LINGO2: variants seen among roughly 807,000 people sequenced by gnomAD.
LINGO2 encodes leucine rich repeat and Ig domain containing 2, also known as leucine-rich repeat and immunoglobulin-like domain-containing nogo receptor-interacting protein 2.
In LINGO2, 14 loss-of-function variants were observed where a neutral mutation model predicts 30.6. The observed-to-expected ratio is 0.46, with a 90% CI of 0.30 to 0.72. The LOEUF is 0.72. LINGO2 is among the 30% of genes least tolerant of loss of function. The pLI is 0.07. For missense variants in LINGO2, 729 were observed against 751.7 expected (o/e 0.97, Z 0.35); for synonymous variants, 317 against 288.5 (o/e 1.10, Z -1.00).
the LINGO2 span, among the ~76,000 whole-genome samples, chr9:28,861,402 A>G: frequency 7.1e-6 from 1 of 141,740 alleles, no homozygotes; most frequent in Non-Finnish European, 1.5e-5. Flanking sequence ...TGTTCTCTAG[A>G]AAATTCTCAC....
the LINGO2 span, among the ~76,000 whole-genome samples, chr9:29,153,093 G>T: frequency 7.2e-5 from 11 of 152,116 alleles, no homozygotes; most frequent in South Asian, 2.3e-3. Context: ...TTAATGAATA[G>T]ATTAAGTTTT....
intron 4 of LINGO2, among the ~76,000 whole-genome samples, chr9:28,065,373 A>G (rs1825281897): frequency 6.6e-6 from 1 of 152,074 alleles, no homozygotes; most frequent in Non-Finnish European, 1.5e-5. Context: ...AAATAAATAC[A>G]TGAATGACCT....
At chr9:28,744,809 G>T in the LINGO2 span, among the ~76,000 whole-genome samples, 3 of 151,590 alleles carry the variant, frequency 2.0e-5, no homozygotes, top group African/African-American at 7.3e-5. Context: ...GCTAATTTTT[G>T]TATTTTTGGT....
At chr9:27,983,331 G>A (rs987689766) in intron 5 of LINGO2, among the ~76,000 whole-genome samples, 1 of 151,840 alleles carries the variant, frequency 6.6e-6, no homozygotes, top group Non-Finnish European at 1.5e-5. Context: ...CAGACTGGAA[G>A]TTCTCAATCA....
At chr9:28,774,690 T>C in the LINGO2 span, among the ~76,000 whole-genome samples, 1 of 152,158 alleles carries the variant, frequency 6.6e-6, no homozygotes, top group Non-Finnish European at 1.5e-5. Context: ...ACAGGGAGGA[T>C]AGCTAATTTA....
At chr9:29,048,803 C>G in the LINGO2 span, among the ~76,000 whole-genome samples, 1 of 152,100 alleles carries the variant, frequency 6.6e-6, no homozygotes, top group African/African-American at 2.4e-5. Context: ...TTGCTATATA[C>G]AAAAATCAAA....
At chr9:28,991,668 C>T in the LINGO2 span, among the ~76,000 whole-genome samples, 7 of 150,684 alleles carry the variant, frequency 4.6e-5, no homozygotes, top group South Asian at 2.1e-4. Context: ...GCGGATCTCT[C>T]GGCAGAAACT....
intron 1 of LINGO2, among the ~76,000 whole-genome samples, chr9:28,554,869 A>T (rs1203484583): frequency 3.5e-5 from 5 of 141,582 alleles, no homozygotes; most frequent in Non-Finnish European, 4.5e-5. Flanking sequence ...ACTACATGGA[A>T]ACTGAACAAC....
At chr9:28,045,948 A>G (rs749142807) in intron 4 of LINGO2, among the ~76,000 whole-genome samples, 6 of 152,184 alleles carry the variant, frequency 3.9e-5, no homozygotes, top group Non-Finnish European at 7.3e-5. Context: ...TTAAACTATG[A>G]TAACTCAGGT....
intron 4 of LINGO2, among the ~76,000 whole-genome samples, chr9:28,243,557 C>A (rs1821884698): frequency 6.6e-6 from 1 of 151,386 alleles, no homozygotes; most frequent in Admixed American, 6.6e-5. Flanking sequence ...ATCTCACGTG[C>A]AAAGATACCA....
intron 3 of LINGO2, among the ~76,000 whole-genome samples, chr9:28,335,550 G>A (rs769280822): frequency 6.6e-6 from 1 of 152,140 alleles, no homozygotes; most frequent in African/African-American, 2.4e-5. Flanking sequence ...TGTGCACATT[G>A]CTCTGGGGTT....
intron 4 of LINGO2, among the ~76,000 whole-genome samples, chr9:28,185,920 C>T (rs1167084789): frequency 6.6e-6 from 1 of 152,054 alleles, no homozygotes; most frequent in African/African-American, 2.4e-5. Flanking sequence ...GGATAAAAGG[C>T]TTCTGCTTTT....
the LINGO2 span, among the ~76,000 whole-genome samples, chr9:29,094,030 T>C: frequency 7.2e-6 from 1 of 138,908 alleles, no homozygotes; most frequent in Non-Finnish European, 1.6e-5. Flanking sequence ...TCAGAATAAA[T>C]TTCTGCATTG....
At chr9:28,393,922 C>G (rs927352139) in intron 2 of LINGO2, among the ~76,000 whole-genome samples, 1 of 152,214 alleles carries the variant, frequency 6.6e-6, no homozygotes, top group Admixed American at 6.5e-5. Flanking sequence ...AGCTCTTATA[C>G]TAGCTGCAGG....
At chr9:27,999,890 C>T (rs1821861978) in intron 5 of LINGO2, among the ~76,000 whole-genome samples, 1 of 152,044 alleles carries the variant, frequency 6.6e-6, no homozygotes. Flanking sequence ...ATCACTTTTG[C>T]ACCAACCTAA....
the LINGO2 span, among the ~76,000 whole-genome samples, chr9:28,729,681 A>G: frequency 6.6e-6 from 1 of 152,184 alleles, no homozygotes; most frequent in East Asian, 1.9e-4. Context: ...GGAGAAAAGA[A>G]GATAAACAGA....
At chr9:28,635,154 T>A (rs1291113207) in intron 1 of LINGO2, among the ~76,000 whole-genome samples, 1 of 152,210 alleles carries the variant, frequency 6.6e-6, no homozygotes, top group African/African-American at 2.4e-5. Flanking sequence ...CAGTTGTGCA[T>A]CCAATATATA....
chr9:29,129,031 T>G, the LINGO2 span, among the ~76,000 whole-genome samples: 4 of 152,152 alleles, frequency 2.6e-5, no homozygotes, highest in Non-Finnish European at 4.4e-5. Context: ...AATATTTGCC[T>G]TTGCTAGATA....
At chr9:29,029,130 C>T in the LINGO2 span, among the ~76,000 whole-genome samples, 2 of 152,072 alleles carry the variant, frequency 1.3e-5, no homozygotes, top group African/African-American at 4.8e-5. Context: ...CATCTCTGAA[C>T]TCCTTAAAGG....
Sources: gnomAD v4.1 joint callset for allele counts (sites outside exome capture counted in the v4.1 genomes callset) on GRCh38, gnomAD v4.1.1 for gene constraint, MANE v1.5 for transcripts, NCBI Gene and HGNC (gene_info 2026-07-23, HGNC 2026-07-21) for gene names.